Variants in ARHGAP42 observed in about 807,000 individuals in gnomAD.
ARHGAP42 encodes the protein Rho GTPase activating protein 42.
ARHGAP42 carries 63 observed loss-of-function variants against 125.0 expected under a neutral mutation model. The ratio of observed to expected loss-of-function variants is 0.50; its 90% confidence interval spans 0.41 to 0.62. The LOEUF is 0.62. Ranked by LOEUF, ARHGAP42 falls within the 20% of genes least tolerant of loss-of-function variation. The probability of loss-of-function intolerance (pLI) is 0.00; values close to 1 mark genes in which losing one functional copy is unlikely to be tolerated. For synonymous variants in ARHGAP42, 339 were observed against 351.0 expected, an observed-to-expected ratio of 0.97 and a Z score of 0.38; for missense variants, 766 against 1,024.2, an observed-to-expected ratio of 0.75 and a Z score of 3.44.
intron 3 of ARHGAP42, among the ~76,000 whole-genome samples, chr11:100,801,085 T>A (rs1410875211): frequency 6.6e-6 from 1 of 152,196 alleles, no homozygotes; most frequent in South Asian, 2.1e-4. Context: ...CAGAGAGCAT[T>A]TCCTTTGAAC....
chr11:100,871,665 T>C (rs538240565), intron 4 of ARHGAP42, among the ~76,000 whole-genome samples: 1 of 152,346 alleles, frequency 6.6e-6, no homozygotes, highest in Admixed American at 6.5e-5. Context: ...ACAAAATGTA[T>C]TGAGCACACG....
chr11:100,779,401 C>A (rs1863211929), intron 2 of ARHGAP42, among the ~76,000 whole-genome samples: 1 of 141,256 alleles, frequency 7.1e-6, no homozygotes, highest in East Asian at 2.1e-4. Context: ...GCCAAGATTG[C>A]ACCGTTGCAC....
chr11:100,765,978 T>G (rs779946149), intron 1 of ARHGAP42, among the ~76,000 whole-genome samples: 4 of 152,236 alleles, frequency 2.6e-5, no homozygotes, highest in Non-Finnish European at 5.9e-5. Context: ...TTCTTAAGTC[T>G]ATGTGCAAGA....
In ARHGAP42 at chr11:100,751,277, G is replaced by GTTT. The variant is rs756243174; in HGVS notation, c.155-19065_155-19064insTTT. Among the ~76,000 whole-genome samples, 45 of 121,652 alleles carry GTTT rather than the reference G, an allele frequency of 3.7e-4. 1 individual carries two copies. The highest frequency in any genetic ancestry group is 1.4e-3 in the African/African-American group (43 of 29,720). The allele number at this position is 121,652 out of a possible 152,430, so 79.8% of individuals were successfully genotyped here. A position where few individuals can be genotyped will look rare whatever the true frequency, so the allele number is the denominator to read the frequency against. Reference sequence around the variant, plus strand: ...TGTGTTATATATATAGTGTGTGTGTGTGTTTTTTTTTTTTTTTTTTTTGAA... The same window carrying GTTT: ...TGTGTTATATATATAGTGTGTGTGTGTTTTGTTTTTTTTTTTTTTTTTTTTGAA... On this transcript the variant is annotated intron_variant, in intron 1 of 23. Coordinates refer to ENST00000298815, the MANE Select transcript of ARHGAP42 (RefSeq NM_152432.4).
intron 4 of ARHGAP42, among the ~76,000 whole-genome samples, chr11:100,869,944 A>G (rs1865661090): frequency 6.6e-6 from 1 of 152,158 alleles, no homozygotes. Context: ...TCTTCTTACT[A>G]CATTTTTAGG....
intron 4 of ARHGAP42, among the ~76,000 whole-genome samples, chr11:100,903,715 T>C (rs372258820): frequency 5.7e-5 from 1 of 17,590 alleles, no homozygotes; most frequent in Admixed American, 5.9e-4. Flanking sequence ...TCAAAATATA[T>C]ATATATATAT....
intron 1 of ARHGAP42, among the ~76,000 whole-genome samples, chr11:100,727,217 A>C (rs376388634): frequency 2.0e-5 from 3 of 152,222 alleles, no homozygotes; most frequent in South Asian, 4.1e-4. Context: ...TTGCACTTTG[A>C]TATGTGCAAA....
At chr11:100,775,864 A>G (rs1863105819) in intron 2 of ARHGAP42, among the ~76,000 whole-genome samples, 1 of 152,192 alleles carries the variant, frequency 6.6e-6, no homozygotes. Flanking sequence ...GTTTTAAAAA[A>G]ATTTAGATAT....
intron 1 of ARHGAP42, among the ~76,000 whole-genome samples, chr11:100,728,714 G>GTATATA (rs57293905): frequency 4.3e-5 from 3 of 70,402 alleles, no homozygotes; most frequent in African/African-American, 6.5e-5. Context: ...ATGACTTTGC[G>GTATATA]TATATATATA....
At chr11:100,777,973 A>T (rs558281269) in intron 2 of ARHGAP42, among the ~76,000 whole-genome samples, 15 of 152,258 alleles carry the variant, frequency 9.9e-5, no homozygotes, top group African/African-American at 3.6e-4. Flanking sequence ...GCTTGAGACC[A>T]GGAGTCCCAG....
intron 16 of ARHGAP42, among the ~76,000 whole-genome samples, chr11:100,964,758 T>A (rs2135304789): frequency 6.6e-6 from 1 of 152,308 alleles, no homozygotes; most frequent in African/African-American, 2.4e-5. Context: ...TTTACCGTTG[T>A]CATTATGGGC....
intron 3 of ARHGAP42, among the ~76,000 whole-genome samples, chr11:100,858,117 G>GTGTGTGTGTCTGTT (rs33909850): frequency 7.4e-6 from 1 of 134,536 alleles, no homozygotes. Context: ...GTGTGTGTGT[G>GTGTGTGTGTCTGTT]TGTGTGTTTA....
chr11:100,949,228 T>C (rs620790), intron 11 of ARHGAP42, among the ~76,000 whole-genome samples: 134,089 of 151,974 alleles, frequency 0.88, 59,246 homozygotes, highest in East Asian at 1. Flanking sequence ...CCAAACAAAG[T>C]GTGGTCCTCA....
intron 3 of ARHGAP42, among the ~76,000 whole-genome samples, chr11:100,813,930 A>G (rs1040578679): frequency 2.0e-5 from 3 of 152,112 alleles, no homozygotes; most frequent in African/African-American, 7.2e-5. Flanking sequence ...TGCAGTGGCT[A>G]ACACCTGTAA....
chr11:100,964,569 T>C (rs991896426), intron 16 of ARHGAP42, among the ~76,000 whole-genome samples: 1 of 152,162 alleles, frequency 6.6e-6, no homozygotes, highest in Non-Finnish European at 1.5e-5. Flanking sequence ...CAAGGTACTT[T>C]CTGGAGAAAG....
intron 7 of ARHGAP42, among the ~76,000 whole-genome samples, chr11:100,935,656 TCA>T (rs370952044): frequency 1.4e-5 from 2 of 140,536 alleles, no homozygotes; most frequent in Non-Finnish European, 1.6e-5. Flanking sequence ...AGGAAGAAGG[TCA>T]CACACACACA....
intron 4 of ARHGAP42, among the ~76,000 whole-genome samples, chr11:100,895,168 A>G (rs1222353331): frequency 6.6e-6 from 1 of 152,180 alleles, no homozygotes; most frequent in Non-Finnish European, 1.5e-5. Context: ...ACCAGTGGTA[A>G]AACGGAGAGG....
chr11:100,760,696 G>C lies in ARHGAP42; in HGVS notation c.155-9647G>C, dbSNP rs1862680600. On this transcript the variant is annotated intron_variant, in intron 1 of 23. Transcript: ENST00000298815. ...AGCCCAGGTGACAGAGCAAGACTCT[G>C]TCTCAAAAAGAAAAAAAAAAGGAAA... 3.3e-5 allele frequency among the ~76,000 whole-genome samples: 5 copies of C among 151,640 alleles called. No individual in the cohort carries two copies. In the East Asian group the frequency reaches 9.7e-4, roughly 29 times the overall value.
chr11:100,813,085 A>T (rs1233783546), intron 3 of ARHGAP42, among the ~76,000 whole-genome samples: 2 of 152,032 alleles, frequency 1.3e-5, no homozygotes, highest in African/African-American at 4.8e-5. Context: ...TTTATTTTGC[A>T]GGTGATACTA....
Sources: gnomAD v4.1 joint callset for allele counts (sites outside exome capture counted in the v4.1 genomes callset) on GRCh38, gnomAD v4.1.1 for gene constraint, MANE v1.5 for transcripts, NCBI Gene and HGNC (gene_info 2026-07-23, HGNC 2026-07-21) for gene names.